The following IL2RB variants were observed in gnomAD, a reference collection of about 807,000 sequenced individuals.
IL2RB encodes the protein interleukin-2 receptor subunit beta.
In IL2RB, 17 loss-of-function variants were observed where a neutral mutation model predicts 44.2. The ratio of observed to expected loss-of-function variants is 0.38; its 90% CI spans 0.26 to 0.58. The LOEUF is 0.58. Among genes scored for constraint, IL2RB ranks in the 20% least tolerant of loss-of-function variants. The probability of loss-of-function intolerance (pLI) is 0.63; values close to 1 mark genes in which losing one functional copy is unlikely to be tolerated. For missense variants in IL2RB, 624 were observed against 685.5 expected (o/e 0.91, Z 1.00); for synonymous variants, 286 against 297.9 (o/e 0.96, Z 0.41).
chr22:37,173,349 G>A (rs1443449797), intron 1 of IL2RB, among the ~76,000 whole-genome samples: 1 of 152,136 alleles, frequency 6.6e-6, no homozygotes, highest in Non-Finnish European at 1.5e-5. Flanking sequence ...ACCATGTGGG[G>A]TTTTGGCTCA....
At chr22:37,174,270 A>G (rs1024347475) in intron 1 of IL2RB, among the ~76,000 whole-genome samples, 1 of 152,210 alleles carries the variant, frequency 6.6e-6, no homozygotes, top group African/African-American at 2.4e-5. Context: ...GCTGAAGGCC[A>G]AGGGAGCTGA....
intron 1 of IL2RB, among the ~76,000 whole-genome samples, chr22:37,147,302 A>T (rs954583044): frequency 1.3e-5 from 2 of 152,350 alleles, no homozygotes; most frequent in East Asian, 1.9e-4. Context: ...CATGCAGTGG[A>T]TAAGAGGCCT....
chr22:37,150,009 G>A (rs1922412352), upstream of IL2RB: 2 of 699,796 alleles, frequency 2.9e-6, no homozygotes, highest in Admixed American at 6.3e-5. Context: ...GAGGCGGGGA[G>A]ACGAGGCTTA....
Position 37,132,462 on chromosome 22 carries a change from C to T in IL2RB, c.825G>A (p.Lys275=), listed in dbSNP as rs1186338766. ...CTGGGGTGTTACACTTCAGGACCTT[C>T]TTCAGCCTGGACAGAGGAGAGGAGG... ...INCRNTGPWL[K]KVLKCNTPDP... The change falls in exon 9 of 10, where the codon AAG becomes AAA. Residue 275 remains lysine (K), a synonymous_variant. Transcript: ENST00000216223. 6.2e-7 allele frequency: 1 copy of T among 1,613,782 alleles called. No homozygotes were observed. Among genetic ancestry groups the T allele is most frequent in the South Asian group, 1.1e-5 (1 of 91,058 alleles).
intron 1 of IL2RB, among the ~76,000 whole-genome samples, chr22:37,173,740 C>T (rs1222725864): frequency 6.6e-6 from 1 of 152,086 alleles, no homozygotes; most frequent in Non-Finnish European, 1.5e-5. Context: ...TAACCACACA[C>T]TAAACTGCCA....
intron 1 of IL2RB, among the ~76,000 whole-genome samples, chr22:37,171,469 A>G (rs540228762): frequency 3.0e-4 from 45 of 152,186 alleles, no homozygotes; most frequent in Non-Finnish European, 5.6e-4. Context: ...ATAGGAGGTT[A>G]AAAGATGAAA....
intron 1 of IL2RB, among the ~76,000 whole-genome samples, chr22:37,173,339 A>G (rs1923350501): frequency 6.6e-6 from 1 of 152,138 alleles, no homozygotes; most frequent in East Asian, 1.9e-4. Context: ...GAGGGCAGGG[A>G]CCATGTGGGG....
At chr22:37,152,868 C>CTCTGCT (rs1922545759), upstream of IL2RB, among the ~76,000 whole-genome samples, 1 of 151,466 alleles carries the variant, frequency 6.6e-6, no homozygotes, top group African/African-American at 2.4e-5. Flanking sequence ...GAAGCAGCAG[C>CTCTGCT]TCTGCTTCTT....
intron 1 of IL2RB, among the ~76,000 whole-genome samples, chr22:37,145,513 C>T (rs1055016382): frequency 1.3e-5 from 2 of 151,992 alleles, no homozygotes; most frequent in African/African-American, 2.4e-5. Flanking sequence ...CCACAACTGT[C>T]GCAGCGGAAA....
rs539678778 is a variant in IL2RB at position 37,159,850 on chromosome 22, G to A, written c.-34+15108C>T. 1.1e-4 allele frequency among the ~76,000 whole-genome samples: 16 copies of A among 152,340 alleles called. No individual in the cohort carries two copies. In the South Asian group the frequency reaches 2.3e-3, roughly 22 times the overall value. On this transcript the variant is annotated intron_variant, in intron 1 of 5. Coordinates refer to the IL2RB transcript ENST00000429622. Reference sequence around the variant, plus strand: ...TTGGTTGGCACTCAGGGGTGCTGGCGTGGGGGCCACCCGTTGTTATTCCCA... The same window carrying A: ...TTGGTTGGCACTCAGGGGTGCTGGCATGGGGGCCACCCGTTGTTATTCCCA...
chr22:37,166,563 C>T (rs533079573), intron 1 of IL2RB, among the ~76,000 whole-genome samples: 1 of 152,352 alleles, frequency 6.6e-6, no homozygotes, highest in African/African-American at 2.4e-5. Flanking sequence ...ACGACACCTT[C>T]TCCCCCATCT....
At chr22:37,162,913 A>G (rs1003700147) in intron 1 of IL2RB, among the ~76,000 whole-genome samples, 1 of 152,076 alleles carries the variant, frequency 6.6e-6, no homozygotes, top group Non-Finnish European at 1.5e-5. Context: ...GCACCAGACC[A>G]TGAGATGAGA....
rs148074427 is a variant in IL2RB, at chr22:37,128,643, G to A, written c.1109C>T (p.Pro370Leu). 222 of 1,614,120 alleles carry A rather than the reference G, an allele frequency of 1.4e-4. No individual in the cohort carries two copies. In the East Asian group the frequency reaches 4.3e-3, roughly 31 times the overall value. The change falls in exon 10 of 10, where the codon CCG becomes CTG. Residue 370 changes from proline (P) to leucine (L), a missense_variant. By Grantham distance (98) the Pro-to-Leu change is moderately conservative. Around this residue, in one of 3 missense-constraint regions of IL2RB, gnomAD observed 291 missense variants for 275.5 expected, o/e 1.06. Coordinates refer to ENST00000216223, the MANE Select transcript of IL2RB (RefSeq NM_000878.5). The surrounding 1 kb of genome is among the most constrained non-coding windows in gnomAD (Gnocchi z 4.5). ...TNQGYFFFHL[P>L]DALEIEACQV... is the part of the protein sequence containing the mutation. The stretch of plus-strand genomic sequence containing the variant: ...GCAGGCCTCTATCTCCAAGGCATCC[G>A]GGAGGTGGAAGAAGAAGTAACCCTG...
At chr22:37,158,758 G>T (rs1421693081) in intron 1 of IL2RB, among the ~76,000 whole-genome samples, 1 of 152,206 alleles carries the variant, frequency 6.6e-6, no homozygotes, top group East Asian at 1.9e-4. Context: ...CTGTGAACTA[G>T]CATCTACCTG....
chr22:37,151,058 T>C (rs1423806343), upstream of IL2RB, among the ~76,000 whole-genome samples: 2 of 152,232 alleles, frequency 1.3e-5, no homozygotes, highest in Admixed American at 6.5e-5. Flanking sequence ...GTCTCTTCCA[T>C]ATACTGATTT....
At chr22:37,152,528 A>T (rs1252442307), upstream of IL2RB, among the ~76,000 whole-genome samples, 2 of 152,108 alleles carry the variant, frequency 1.3e-5, no homozygotes, top group African/African-American at 2.4e-5. Context: ...GGATAATTTG[A>T]CTTCTTCCTT....
chr22:37,146,317 G>T (rs368659897), intron 1 of IL2RB, among the ~76,000 whole-genome samples: 1 of 152,142 alleles, frequency 6.6e-6, no homozygotes, highest in Non-Finnish European at 1.5e-5. Flanking sequence ...CAGTGGCCCT[G>T]TTGCAATCAA....
At chr22:37,149,668 C>T (rs1418854567) in intron 1 of IL2RB, among the ~76,000 whole-genome samples, 157 bp downstream of exon 1, 2 of 152,210 alleles carry the variant, frequency 1.3e-5, no homozygotes, top group African/African-American at 2.4e-5. Context: ...TGGGCCCAAC[C>T]CCTCCCTAGG....
intron 1 of IL2RB, among the ~76,000 whole-genome samples, chr22:37,163,354 T>C (rs229491): frequency 0.99 from 150,399 of 152,262 alleles, 74,285 homozygotes; most frequent in East Asian, 1. Flanking sequence ...CAAATGCCCA[T>C]CCTCCAGCTG....
Sources: allele counts gnomAD v4.1 joint callset (sites outside exome capture counted in the v4.1 genomes callset), GRCh38; gene constraint gnomAD v4.1.1; regional missense constraint gnomAD v4.1.1; non-coding constraint Gnocchi (gnomAD v3.1); transcripts MANE v1.5; gene names NCBI Gene and HGNC (gene_info 2026-07-23, HGNC 2026-07-21).